Variants in CHLSN observed in about 807,000 individuals in gnomAD.
CHLSN encodes cholesin.
chr7:1,002,548 G>A, the CHLSN span, among the ~76,000 whole-genome samples: 8 of 96,334 alleles, frequency 8.3e-5, 2 homozygotes, highest in Non-Finnish European at 1.6e-4. Context: ...GAGCCCTGTG[G>A]GTGAGTGGAG....
At chr7:1,000,669 C>G in the CHLSN span, 1 of 760,076 alleles carries the variant, frequency 1.3e-6, no homozygotes, top group African/African-American at 1.8e-5. Flanking sequence ...AGGTACTACA[C>G]ACCAAGGCCT....
At chr7:1,092,480 G>T in the CHLSN span, 1 of 1,607,586 alleles carries the variant, frequency 6.2e-7, no homozygotes, top group Admixed American at 1.7e-5. Context: ...CGTGGGCTGC[G>T]GCCCCGGCGG....
chr7:1,078,873 C>G, the CHLSN span, among the ~76,000 whole-genome samples: 9 of 152,378 alleles, frequency 5.9e-5, no homozygotes, highest in South Asian at 1.7e-3. Context: ...GGTGCCCCCT[C>G]AAGCCCCAGC....
the CHLSN span, among the ~76,000 whole-genome samples, chr7:998,665 C>T: frequency 6.6e-6 from 1 of 152,002 alleles, no homozygotes; most frequent in Admixed American, 6.6e-5. Context: ...AGGCTGGTCT[C>T]GAACTCTTGA....
the CHLSN span, among the ~76,000 whole-genome samples, chr7:1,035,190 T>C: frequency 2.6e-5 from 4 of 151,100 alleles, no homozygotes; most frequent in Admixed American, 2.6e-4. Context: ...GTCTTTGCTA[T>C]TGTGAACAGT....
At chr7:1,055,520 C>G in the CHLSN span, 3 of 448,962 alleles carry the variant, frequency 6.7e-6, no homozygotes, top group East Asian at 7.0e-5. Context: ...GGAGAGGGGA[C>G]GTGGGGGGCT....
At chr7:1,047,973 T>G in the CHLSN span, among the ~76,000 whole-genome samples, 1 of 152,234 alleles carries the variant, frequency 6.6e-6, no homozygotes, top group African/African-American at 2.4e-5. Context: ...ACATAAAAAC[T>G]TCCCCTGCCT....
chr7:1,126,264 G>A, the CHLSN span, among the ~76,000 whole-genome samples: 1 of 144,618 alleles, frequency 6.9e-6, no homozygotes, highest in Admixed American at 7.4e-5. Context: ...AGGAGGCTGA[G>A]ACAGGAGAGT....
chr7:1,092,637 C>G, the CHLSN span: 1 of 1,612,742 alleles, frequency 6.2e-7, no homozygotes, highest in Non-Finnish European at 8.5e-7. Context: ...ATGCCCACCC[C>G]CTCACGGGCC....
At chr7:1,036,492 G>T in the CHLSN span, among the ~76,000 whole-genome samples, 1 of 150,696 alleles carries the variant, frequency 6.6e-6, no homozygotes, top group Non-Finnish European at 1.5e-5. Context: ...TGGTGTGGCC[G>T]TGTGGGGTTC....
chr7:1,083,682 C>T, the CHLSN span, among the ~76,000 whole-genome samples: 3 of 151,992 alleles, frequency 2.0e-5, no homozygotes, highest in South Asian at 2.1e-4. Context: ...GCGCAGACGA[C>T]GGGAGCACCT....
the CHLSN span, among the ~76,000 whole-genome samples, chr7:1,072,676 CTTTTTT>C: frequency 0.42 from 45,401 of 109,376 alleles, 7,064 homozygotes; most frequent in Middle Eastern, 0.49. Context: ...CTTTTCTTTC[CTTTTTT>C]TTTTTTTTTT....
chr7:1,107,041 T>A, the CHLSN span, among the ~76,000 whole-genome samples: 1 of 152,088 alleles, frequency 6.6e-6, no homozygotes, highest in Non-Finnish European at 1.5e-5. Flanking sequence ...CCGCCCAGCA[T>A]CAGCTCTGCC....
At chr7:992,720 C>T in the CHLSN span, among the ~76,000 whole-genome samples, 23 of 152,336 alleles carry the variant, frequency 1.5e-4, no homozygotes, top group Admixed American at 1.2e-3. Context: ...TCCCTCAGAG[C>T]GGGGGTCTTC....
At chr7:1,089,088 A>T in the CHLSN span, among the ~76,000 whole-genome samples, 4 of 152,154 alleles carry the variant, frequency 2.6e-5, no homozygotes, top group Non-Finnish European at 4.4e-5. Flanking sequence ...CCACGGTCTA[A>T]TACGTTCCAA....
the CHLSN span, chr7:997,921 G>T: frequency 1.1e-6 from 1 of 950,552 alleles, no homozygotes. Flanking sequence ...TCCTCCCACT[G>T]CGGCCCGAGG....
At chr7:1,070,573 AACACGC>A in the CHLSN span, among the ~76,000 whole-genome samples, 1 of 134,832 alleles carries the variant, frequency 7.4e-6, no homozygotes, top group East Asian at 2.2e-4. Flanking sequence ...CACACACGCA[AACACGC>A]ACACACGGAC....
chr7:1,063,072 C>G, the CHLSN span, among the ~76,000 whole-genome samples: 1 of 152,194 alleles, frequency 6.6e-6, no homozygotes, highest in Non-Finnish European at 1.5e-5. Context: ...CCTCCGTTCT[C>G]TCTGGGCTCC....
chr7:987,314 G>C, the CHLSN span: 1 of 1,539,694 alleles, frequency 6.5e-7, no homozygotes, highest in Admixed American at 1.8e-5. Flanking sequence ...GAGGGATGGC[G>C]CTGCCACCCA....
Sources: gnomAD v4.1 joint callset for allele counts (sites outside exome capture counted in the v4.1 genomes callset) on GRCh38, gnomAD v4.1.1 for gene constraint, MANE v1.5 for transcripts, NCBI Gene and HGNC (gene_info 2026-07-23, HGNC 2026-07-21) for gene names.